Variants in MUC3A observed in about 807,000 individuals in gnomAD.
The protein encoded by MUC3A is mucin 3A, cell surface associated.
Under a neutral mutation model 109.0 loss-of-function variants are expected in MUC3A, and 109 were observed. The observed-to-expected ratio is 1.00, with a 90% CI of 0.86 to 1.17. MUC3A has a LOEUF of 1.17. MUC3A is among the 50% of genes most tolerant of loss of function. MUC3A has a pLI of 0.00. For synonymous variants in MUC3A, 1,398 were observed against 981.4 expected (o/e 1.42, Z -7.93); for missense variants, 3,537 against 2,469.4 (o/e 1.43, Z -9.16).
In MUC3A at chr7:100,965,830, G is replaced by T. The variant is rs1021234895; in HGVS notation, c.9575G>T (p.Gly3192Val). The change falls in exon 8 of 12, where the codon GGC becomes GTC. Residue 3192 changes from glycine to valine, a missense_variant. By Grantham distance (109) the Gly-to-Val change is moderately radical (BLOSUM62 -3). Transcript: ENST00000379458. Reference sequence around the variant, plus strand: ...GACAACGCCATCGACTGTCACCAGGGCCAGTGCGTTCTGGAGACGAGCGGT... The same window carrying T: ...GACAACGCCATCGACTGTCACCAGGTCCAGTGCGTTCTGGAGACGAGCGGT... ...GVDNAIDCHQ[G>V]QCVLETSGPT... is the part of the protein sequence containing the mutation. The T allele has an allele frequency of 1.3e-6, 2 of 1,597,080 alleles. No individual in the cohort carries two copies. The highest frequency in any genetic ancestry group is 2.7e-5 in the African/African-American group (2 of 74,918).
rs1429387383 is a variant in MUC3A at position 100,949,580 on chromosome 7, T to G, written c.-45T>G. 6.6e-7 allele frequency: 1 copy of G among 1,505,316 alleles called. No individual in the cohort carries two copies. 93.2% of individuals were successfully genotyped at this position (1,505,316 alleles called of 1,614,324 possible). ...CAGGGCCACGTCCCTGCCGCTGTCTTGGTCCTGAAGCCTGTTCTGCCCCAG... is the reference window on the plus strand; with the variant it reads ...CAGGGCCACGTCCCTGCCGCTGTCTGGGTCCTGAAGCCTGTTCTGCCCCAG... On this transcript the variant is annotated 5_prime_UTR_variant, in exon 1 of 12. Transcript: ENST00000379458.
rs1262219815 is a variant in MUC3A at position 100,952,260 on chromosome 7, C to G, written c.481C>G (p.Pro161Ala). 1 of 1,598,508 alleles carries G rather than the reference C, an allele frequency of 6.3e-7. No homozygotes were observed. The highest frequency in any genetic ancestry group is 8.5e-7 in the Non-Finnish European group (1 of 1,179,766). Residue 161 changes from proline (P) to alanine (A), a missense_variant, in exon 2 of 12, where the codon CCC becomes GCC. By Grantham distance (27) the Pro-to-Ala change is conservative (BLOSUM62 -1). Coordinates refer to ENST00000379458, the MANE Select transcript of MUC3A (RefSeq NM_005960.2). ...VAFTSSYTST[P>A]VTQKPVTTVT... ...CTTCACCAGCTCTTACACCTCGACT[C>G]CCGTGACACAGAAGCCAGTGACCAC... is the stretch of plus-strand genomic sequence containing the variant.
Position 100,954,621 on chromosome 7 carries a change from A to G in MUC3A, c.2842A>G (p.Thr948Ala), listed in dbSNP as rs895242032. ...HTTVESTPSP[T>A]TTTSFTTSTM... ...AACAGTTGAATCCACCCCATCACCC[A>G]CTACCACCACCTCATTTACCACATC... The change falls in exon 2 of 12, where the codon ACT becomes GCT. Residue 948 changes from threonine (T) to alanine (A), a missense_variant. Thr to Ala is a moderately conservative substitution (Grantham distance 58). Transcript: ENST00000379458. 1 of 399,778 alleles carries G rather than the reference A, an allele frequency of 2.5e-6. No homozygotes were observed. Among genetic ancestry groups the G allele is most frequent in the Non-Finnish European group, 4.4e-6 (1 of 227,134 alleles). 24.8% of individuals were successfully genotyped at this position (399,778 alleles called of 1,614,324 possible).
At chr7:100,965,204 C>G in intron 6 of MUC3A, 78 bp from the exon 7 acceptor site, 1 of 1,561,316 alleles carries the variant, frequency 6.4e-7, no homozygotes, top group African/African-American at 1.3e-5. Context: ...TGTGCCTATC[C>G]TGCCTCCTGG....
In MUC3A at chr7:100,960,244, A is replaced by C. The variant is rs1290600640; in HGVS notation, c.8465A>C (p.Gln2822Pro). Residue 2822 changes from glutamine (Q) to proline (P), a missense_variant, in exon 2 of 12, where the codon CAA becomes CCA. By Grantham distance (76) the Gln-to-Pro change is moderately conservative. Coordinates refer to ENST00000379458, the MANE Select transcript of MUC3A (RefSeq NM_005960.2). ...MVTCPTSISIQTTLTTYMDTS... is the reference protein window; with the variant it reads ...MVTCPTSISIPTTLTTYMDTS... ...ACCTGTCCTACCTCCATCAGTATCCAAACTACTCTTACTACATATATGGAC... is the reference window on the plus strand; with the variant it reads ...ACCTGTCCTACCTCCATCAGTATCCCAACTACTCTTACTACATATATGGAC... 6.3e-7 allele frequency: 1 copy of C among 1,598,508 alleles called. No homozygotes were observed.
Position 100,952,000 on chromosome 7 carries a change from C to G in MUC3A, c.221C>G (p.Ala74Gly). 1 of 1,598,672 alleles carries G rather than the reference C, an allele frequency of 6.3e-7. No individual in the cohort carries two copies. ...CCTGCTCCTGGCCACAGGGAAAATG[C>G]ACCTATGACACTCACTACCTCCCCC... ...ASPAPGHREN[A>G]PMTLTTSPHD... is the part of the protein sequence containing the mutation. The change falls in exon 2 of 12, where the codon GCA (alanine) becomes GGA (glycine). Residue 74 changes from alanine (A) to glycine (G), a missense_variant. By Grantham distance (60) the Ala-to-Gly change is moderately conservative (BLOSUM62 0). Transcript: ENST00000379458.
chr7:100,960,760 G>T lies in MUC3A; in HGVS notation c.8875G>T (p.Asp2959Tyr). The change falls in exon 3 of 12, where the codon GAC becomes TAC. Residue 2959 changes from aspartate (D) to tyrosine (Y), a missense_variant. Coordinates refer to ENST00000379458, the MANE Select transcript of MUC3A (RefSeq NM_005960.2). ...STLTTTAGTC[D>Y]NGGTWEQGQC... ...CTTTCTGTGTTTTCCAGGCACCTGT[G>T]ACAATGGTGGCACCTGGGAACAGGG... is the stretch of plus-strand genomic sequence containing the variant. 6.3e-7 allele frequency: 1 copy of T among 1,597,244 alleles called. No individual in the cohort carries two copies. The highest frequency in any genetic ancestry group is 8.5e-7 in the Non-Finnish European group (1 of 1,179,172).
At position 100,960,563 on chromosome 7, in the gene MUC3A, G is replaced by T; in HGVS notation, c.8784G>T (p.Gln2928His). 1 of 1,598,748 alleles carries T rather than the reference G, an allele frequency of 6.3e-7. No homozygotes were observed. Among genetic ancestry groups the T allele is most frequent in the Non-Finnish European group, 8.5e-7 (1 of 1,179,822 alleles). Residue 2928 changes from glutamine (Q) to histidine (H), a missense_variant, in exon 2 of 12, where the codon CAG (glutamine) becomes CAT (histidine). Coordinates refer to ENST00000379458, the MANE Select transcript of MUC3A (RefSeq NM_005960.2). ...RTSETPVATT[Q>H]TPTTLTSRRT... ...CAGAGACACCAGTGGCCACTACCCA[G>T]ACTCCTACCACCCTTACATCACGCA... is the stretch of plus-strand genomic sequence containing the variant.
chr7:100,963,809 A>C (rs1792425066), intron 5 of MUC3A, 57 bp downstream of exon 5: 3 of 1,594,746 alleles, frequency 1.9e-6, no homozygotes, highest in Non-Finnish European at 2.5e-6. Flanking sequence ...ATGTGCGCAC[A>C]CAAAAAACCC....
rs1316173345 is a variant in MUC3A at position 100,957,261 on chromosome 7, A to T, written c.5482A>T (p.Asn1828Tyr). ...ATCTACATTGGTGACCACATTCTCC[A>T]ATTCCGACACCAGTTCTACACCTAC... is the stretch of plus-strand genomic sequence containing the variant. Reference protein sequence around the residue: ...PLSTLVTTFSNSDTSSTPTSE... With the variant: ...PLSTLVTTFSYSDTSSTPTSE... Residue 1828 changes from asparagine to tyrosine, a missense_variant, in exon 2 of 12, where the codon AAT becomes TAT. Physicochemically the swap from Asn to Tyr is moderately radical, Grantham distance 143. Coordinates refer to ENST00000379458, the MANE Select transcript of MUC3A (RefSeq NM_005960.2). 2.0e-6 allele frequency: 1 copy of T among 504,590 alleles called. No individual in the cohort carries two copies. Among genetic ancestry groups the T allele is most frequent in the East Asian group, 3.3e-5 (1 of 29,980 alleles). The allele number at this position is 504,590 out of a possible 1,614,324, so 31.3% of individuals were successfully genotyped here.
At chr7:100,961,896 C>T (rs950211047) in intron 3 of MUC3A, among the ~76,000 whole-genome samples, 18 of 152,410 alleles carry the variant, frequency 1.2e-4, no homozygotes, top group Non-Finnish European at 2.2e-4. Flanking sequence ...TCGCTTGAGG[C>T]GAGGAGTTCA....
At chr7:100,951,774 C>G in intron 1 of MUC3A, 67 bp from the exon 2 acceptor site, 1 of 1,550,116 alleles carries the variant, frequency 6.5e-7, no homozygotes, top group South Asian at 1.2e-5. Flanking sequence ...GAGTAGCTTA[C>G]ATGAGTGATG....
At chr7:100,967,016 AC>A in intron 11 of MUC3A, 65 bp downstream of exon 11, 2 of 1,598,452 alleles carry the variant, frequency 1.3e-6, no homozygotes, top group Non-Finnish European at 1.7e-6. Flanking sequence ...TCCCTCCCCG[AC>A]CCCCACCAGG....
In MUC3A at chr7:100,952,131, A is replaced by G. The variant is rs766884838; in HGVS notation, c.352A>G (p.Thr118Ala). 1.9e-6 allele frequency: 3 copies of G among 1,598,404 alleles called. No homozygotes were observed. The highest frequency in any genetic ancestry group is 2.5e-6 in the Non-Finnish European group (3 of 1,179,632). Residue 118 changes from threonine (T) to alanine (A), a missense_variant, in exon 2 of 12, where the codon ACC becomes GCC. By Grantham distance (58) the Thr-to-Ala change is moderately conservative (BLOSUM62 0). Coordinates refer to ENST00000379458, the MANE Select transcript of MUC3A (RefSeq NM_005960.2). ...FAFKVETTPP[T>A]VLVYSATTEC... is the part of the protein sequence containing the mutation. ...CTTCAAGGTTGAAACCACTCCACCC[A>G]CCGTGTTGGTCTATTCAGCCACCAC...
chr7:100,957,898 C>T lies in MUC3A; in HGVS notation c.6119C>T (p.Thr2040Ile). ...ITTTETTSHS[T>I]PSFTSSITTE... ...ACCACCGAGACCACATCCCATAGTA[C>T]TCCCAGCTTCACTTCTTCGATCACC... is the stretch of plus-strand genomic sequence containing the variant. Residue 2040 changes from threonine (T) to isoleucine (I), a missense_variant, in exon 2 of 12, where the codon ACT (threonine) becomes ATT (isoleucine). Thr to Ile is a moderately conservative substitution (Grantham distance 89). Coordinates refer to ENST00000379458, the MANE Select transcript of MUC3A (RefSeq NM_005960.2). The T allele has an allele frequency of 2.8e-6, 2 of 709,474 alleles. No homozygotes were observed. The highest frequency in any genetic ancestry group is 5.0e-6 in the Non-Finnish European group (2 of 397,802). 43.9% of individuals were successfully genotyped at this position (709,474 alleles called of 1,614,324 possible).
At position 100,962,248 on chromosome 7, in the gene MUC3A, A is replaced by C. The variant is rs1228973980; in HGVS notation, c.9053-903A>C. ...CTCCGTCTCAAAAAAAAAAAAAAAAAAAAAAAAAAAAAAAAAAAACTTACC... is the reference window on the plus strand; with the variant it reads ...CTCCGTCTCAAAAAAAAAAAAAAAACAAAAAAAAAAAAAAAAAAACTTACC... On this transcript the variant is annotated intron_variant, in intron 3 of 11. Transcript: ENST00000379458. Among the ~76,000 whole-genome samples the C allele has an allele frequency of 4.2e-3, 21 of 5,042 alleles. 4 individuals carry two copies. Among genetic ancestry groups the C allele is most frequent in the Non-Finnish European group, 0.01 (18 of 1,742 alleles). The allele number at this position is 5,042 out of a possible 152,430, so 3.3% of individuals were successfully genotyped here.
At chr7:100,962,627 TC>T (rs1414521401) in intron 3 of MUC3A, among the ~76,000 whole-genome samples, 19 of 4,086 alleles carry the variant, frequency 4.7e-3, no homozygotes, top group African/African-American at 0.017. Flanking sequence ...TTCCTCTCGC[TC>T]TCTTCTTTCT....
chr7:100,959,855 T>C lies in MUC3A; in HGVS notation c.8076T>C (p.Ser2692=), dbSNP rs551641690. The change falls in exon 2 of 12, where the codon TCT becomes TCC. Residue 2692 remains serine (S), a synonymous_variant. Transcript: ENST00000379458. ...CAACACCCACTATTATCATGTCCTCTTCTCCATCTTCTGCCAGCATAACTC... is the reference window on the plus strand; with the variant it reads ...CAACACCCACTATTATCATGTCCTCCTCTCCATCTTCTGCCAGCATAACTC... ...WSSTPTIIMS[S]SPSSASITPV... is the part of the protein sequence containing the mutation. 3.8e-5 allele frequency: 59 copies of C among 1,561,638 alleles called. No homozygotes were observed. In the African/African-American group the frequency reaches 7.0e-4, roughly 19 times the overall value.
rs373990960 is a variant in MUC3A at position 100,960,449 on chromosome 7, G to A, written c.8670G>A (p.Pro2890=). 39 of 1,598,386 alleles carry A rather than the reference G, an allele frequency of 2.4e-5. No homozygotes were observed. The highest frequency in any genetic ancestry group is 3.0e-5 in the Non-Finnish European group (35 of 1,179,740). Reference sequence around the variant, plus strand: ...CTCTTCCTGGCGTCTCTACCATCCCGCTCACCATGAAACCAAGCAGTAGCC... The same window carrying A: ...CTCTTCCTGGCGTCTCTACCATCCCACTCACCATGAAACCAAGCAGTAGCC... ...PLPLPGVSTI[P]LTMKPSSSLP... The change falls in exon 2 of 12, where the codon CCG becomes CCA. Residue 2890 remains proline, a synonymous_variant. Coordinates refer to ENST00000379458, the MANE Select transcript of MUC3A (RefSeq NM_005960.2).
Sources: allele counts gnomAD v4.1 joint callset (sites outside exome capture counted in the v4.1 genomes callset), GRCh38; gene constraint gnomAD v4.1.1; transcripts MANE v1.5; gene names NCBI Gene and HGNC (gene_info 2026-07-23, HGNC 2026-07-21).